Variants in INSYN2B observed in about 807,000 individuals in gnomAD.
INSYN2B encodes protein INSYN2B.
A neutral mutation model predicts 41.2 loss-of-function variants in INSYN2B; 16 were observed. That is an observed-to-expected ratio of 0.39 (90% confidence interval 0.26 to 0.59). The LOEUF is 0.59. INSYN2B is among the 20% of genes least tolerant of loss of function. The probability of loss-of-function intolerance (pLI) is 0.57; values close to 1 mark genes in which losing one functional copy is unlikely to be tolerated. For missense variants in INSYN2B, 608 were observed against 646.4 expected, an observed-to-expected ratio of 0.94 and a Z score of 0.64; for synonymous variants, 245 against 244.4, an observed-to-expected ratio of 1.00 and a Z score of -0.02.
chr5:169,868,516 C>T (rs545038891), intron 3 of INSYN2B, among the ~76,000 whole-genome samples: 5 of 152,102 alleles, frequency 3.3e-5, no homozygotes, highest in Admixed American at 6.6e-5. Flanking sequence ...CCCAGCACTT[C>T]GAAAGACCCA....
intron 1 of INSYN2B, among the ~76,000 whole-genome samples, chr5:169,948,740 C>T (rs1384361051): frequency 6.6e-6 from 1 of 151,772 alleles, no homozygotes; most frequent in Non-Finnish European, 1.5e-5. Flanking sequence ...AGCCTCCCAA[C>T]CAGCTGGGAT....
At chr5:169,942,873 G>T (rs1776297319) in intron 1 of INSYN2B, among the ~76,000 whole-genome samples, 1 of 152,194 alleles carries the variant, frequency 6.6e-6, no homozygotes, top group South Asian at 2.1e-4. Context: ...GCTCGCCTCT[G>T]AACTCAGATT....
intron 1 of INSYN2B, among the ~76,000 whole-genome samples, chr5:169,919,300 C>A (rs1438389893): frequency 2.0e-5 from 3 of 152,186 alleles, no homozygotes; most frequent in African/African-American, 4.8e-5. Context: ...CACCCAGTTT[C>A]TTTCTCACTG....
At chr5:169,946,523 C>T (rs957304423) in intron 1 of INSYN2B, among the ~76,000 whole-genome samples, 55 of 152,208 alleles carry the variant, frequency 3.6e-4, no homozygotes, top group Admixed American at 6.5e-4. Context: ...TCCAGCAAAA[C>T]ACTGCAAAGA....
intron 1 of INSYN2B, among the ~76,000 whole-genome samples, chr5:169,954,378 A>G (rs969576151): frequency 6.6e-6 from 1 of 152,246 alleles, no homozygotes; most frequent in Non-Finnish European, 1.5e-5. Context: ...TAGACATTTA[A>G]TTAAGCTTTT....
At chr5:169,947,502 C>T (rs1332890754) in intron 1 of INSYN2B, among the ~76,000 whole-genome samples, 1 of 152,178 alleles carries the variant, frequency 6.6e-6, no homozygotes, top group Non-Finnish European at 1.5e-5. Context: ...AGCTTCCTGC[C>T]CAGGGCCACG....
intron 1 of INSYN2B, among the ~76,000 whole-genome samples, chr5:169,933,125 A>G (rs1161794867): frequency 1.3e-5 from 2 of 152,222 alleles, no homozygotes; most frequent in African/African-American, 4.8e-5. Context: ...CTCACCTGAA[A>G]CAGGGTAAGG....
intron 1 of INSYN2B, among the ~76,000 whole-genome samples, chr5:169,898,528 A>AAACAACAAC (rs36216194): frequency 2.0e-4 from 30 of 151,130 alleles, no homozygotes; most frequent in South Asian, 1.5e-3. Context: ...CACACACACA[A>AAACAACAAC]AACAACAACA....
chr5:169,979,868 A>G (rs1033002751), intron 1 of INSYN2B, among the ~76,000 whole-genome samples: 3 of 152,180 alleles, frequency 2.0e-5, no homozygotes, highest in African/African-American at 7.2e-5. Flanking sequence ...TTTTTTTCAT[A>G]AAACAGCCAC....
At position 169,862,164 on chromosome 5, in the gene INSYN2B, C is replaced by T. The variant is rs996713195; in HGVS notation, c.*2109G>A. On this transcript the variant is annotated 3_prime_UTR_variant, in exon 4 of 4. Coordinates refer to ENST00000377365, the MANE Select transcript of INSYN2B (RefSeq NM_001129891.3). ...GTCACTCAGCTCACATAATGTGGAA[C>T]GTGCTAAGAGTTTATAAAGTAGGAA... Among the ~76,000 whole-genome samples the T allele has an allele frequency of 2.0e-5, 3 of 152,142 alleles. No individual in the cohort carries two copies. Among genetic ancestry groups the T allele is most frequent in the Admixed American group, 6.5e-5 (1 of 15,280 alleles).
intron 3 of INSYN2B, among the ~76,000 whole-genome samples, chr5:169,869,915 G>T (rs1412224561): frequency 6.6e-6 from 1 of 152,168 alleles, no homozygotes; most frequent in East Asian, 1.9e-4. Flanking sequence ...TTCCATGCAG[G>T]ATCGTAAGAA....
chr5:169,926,446 C>T (rs1442015321), intron 1 of INSYN2B, among the ~76,000 whole-genome samples: 3 of 152,112 alleles, frequency 2.0e-5, no homozygotes, highest in Non-Finnish European at 2.9e-5. Context: ...ACATGAGCCT[C>T]GGATTATGGT....
chr5:169,864,585 C>T (rs1771420895), intron 3 of INSYN2B, 126 bp from the exon 4 acceptor site: 3 of 740,172 alleles, frequency 4.1e-6, no homozygotes, highest in African/African-American at 1.8e-5. Context: ...TCCTTAGGTA[C>T]CTACTGGCTC....
intron 1 of INSYN2B, among the ~76,000 whole-genome samples, chr5:169,899,860 T>G (rs1773820042): frequency 6.6e-6 from 1 of 152,222 alleles, no homozygotes; most frequent in South Asian, 2.1e-4. Context: ...AGAAAAAAAT[T>G]AAGCAGACTC....
chr5:169,924,747 C>A (rs1369114269), intron 1 of INSYN2B, among the ~76,000 whole-genome samples: 1 of 152,182 alleles, frequency 6.6e-6, no homozygotes, highest in Admixed American at 6.5e-5. Flanking sequence ...CAGGACATTT[C>A]TTTTCCAACC....
chr5:169,915,482 C>G (rs1774822900), intron 1 of INSYN2B, among the ~76,000 whole-genome samples: 2 of 151,738 alleles, frequency 1.3e-5, no homozygotes, highest in African/African-American at 4.8e-5. Flanking sequence ...TATTGAATCT[C>G]AGATGTTTTA....
intron 1 of INSYN2B, among the ~76,000 whole-genome samples, chr5:169,978,013 AG>A (rs1777777099): frequency 6.6e-6 from 1 of 152,176 alleles, no homozygotes. Flanking sequence ...GACAGCTCCT[AG>A]AAAGAACTTT....
intron 1 of INSYN2B, among the ~76,000 whole-genome samples, chr5:169,885,184 T>C (rs17646250): frequency 0.061 from 9,234 of 152,314 alleles, 349 homozygotes; most frequent in Non-Finnish European, 0.086. Flanking sequence ...TTTTTCACAA[T>C]ACAAATTGCA....
At chr5:169,934,484 C>A (rs988379637) in intron 1 of INSYN2B, among the ~76,000 whole-genome samples, 1 of 152,224 alleles carries the variant, frequency 6.6e-6, no homozygotes, top group South Asian at 2.1e-4. Context: ...GAGGTGCATG[C>A]ACATATGCTA....
Sources: gnomAD v4.1 joint callset for allele counts (sites outside exome capture counted in the v4.1 genomes callset) on GRCh38, gnomAD v4.1.1 for gene constraint, MANE v1.5 for transcripts, NCBI Gene and HGNC (gene_info 2026-07-23, HGNC 2026-07-21) for gene names.